Variants in SASH1 observed in about 807,000 individuals in gnomAD.
SASH1 encodes the protein SAM and SH3 domain containing 1.
SASH1 carries 44 observed loss-of-function variants against 125.2 expected under a neutral mutation model. The observed-to-expected ratio is 0.35, with a 90% CI of 0.28 to 0.45. SASH1 has a LOEUF of 0.45. Ranked by LOEUF, SASH1 falls within the 20% of genes least tolerant of loss-of-function variation. The pLI is 1.00. For synonymous variants in SASH1, 639 were observed against 649.1 expected (o/e 0.98, Z 0.24); for missense variants, 1,426 against 1,614.5 (o/e 0.88, Z 2.00).
Position 148,548,448 on chromosome 6 carries a change from C to A in SASH1, c.3634C>A (p.Leu1212Met), listed in dbSNP as rs752577248. 1.2e-6 allele frequency: 2 copies of A among 1,614,240 alleles called. No individual in the cohort carries two copies. The highest frequency in any genetic ancestry group is 2.2e-5 in the South Asian group (2 of 91,080). The change falls in exon 20 of 20, where the codon CTG (leucine) becomes ATG (methionine). Residue 1212 changes from leucine (L) to methionine (M), a missense_variant. Transcript: ENST00000367467. ...CAGCACACTGAGCCAAGTGCCTTCT[C>A]TGTCTCACACTTGCCTTCAGGAGGC... ...GFSTLSQVPS[L>M]SHTCLQEAGI... is the part of the protein sequence containing the mutation.
At chr6:148,447,564 C>G (rs1318282608) in intron 4 of SASH1, among the ~76,000 whole-genome samples, 1 of 152,166 alleles carries the variant, frequency 6.6e-6, no homozygotes. Context: ...TGCTTTGGAT[C>G]ATCTGCTGCT....
At chr6:148,399,004 C>T (rs929275305) in intron 2 of SASH1, among the ~76,000 whole-genome samples, 4 of 152,086 alleles carry the variant, frequency 2.6e-5, no homozygotes, top group Non-Finnish European at 5.9e-5. Context: ...TTGATCTTGG[C>T]ATTCTGTACC....
intron 1 of SASH1, among the ~76,000 whole-genome samples, chr6:148,356,523 G>GTTTTTT (rs1562346767): frequency 2.0e-4 from 27 of 134,950 alleles, no homozygotes; most frequent in East Asian, 1.1e-3. Context: ...TTGAGACTGG[G>GTTTTTT]TTTTGCTCTT....
chr6:148,544,143 A>G lies in SASH1; in HGVS notation c.2673A>G (p.Ala891=), dbSNP rs947393191. The G allele has an allele frequency of 6.2e-6, 10 of 1,614,088 alleles. No homozygotes were observed. Among genetic ancestry groups the G allele is most frequent in the South Asian group, 2.2e-5 (2 of 91,080 alleles). Residue 891 remains alanine (A), a synonymous_variant, in exon 18 of 20, where the codon GCA becomes GCG. Transcript: ENST00000367467. This position sits in a 1 kb window ranked among gnomAD's most constrained non-coding sequence, Gnocchi z 6.4. ...AGCAAGACTCTGCTGTCGACAATGC[A>G]TTGCTACTGACCCAAAGCAAGAGAT... ...PLEQDSAVDN[A]LLLTQSKRFS...
intron 2 of SASH1, among the ~76,000 whole-genome samples, chr6:148,401,786 G>GT (rs34419566): frequency 8.7e-5 from 9 of 104,040 alleles, no homozygotes; most frequent in South Asian, 2.7e-4. Flanking sequence ...ATGTGTGTGT[G>GT]GGGGGGTGTA....
At chr6:148,346,479 C>A in intron 1 of SASH1, among the ~76,000 whole-genome samples, 5 of 121,428 alleles carry the variant, frequency 4.1e-5, no homozygotes, top group Non-Finnish European at 4.9e-5. Flanking sequence ...TAAGAGAAAA[C>A]AAGCTTGCAA....
intron 4 of SASH1, among the ~76,000 whole-genome samples, chr6:148,449,078 C>CT: frequency 0.2 from 17,773 of 88,752 alleles, 2,987 homozygotes; most frequent in East Asian, 0.45. Context: ...CATTTCATTT[C>CT]TTTTTTTTTT....
intron 11 of SASH1, 57 bp from the exon 12 acceptor site, chr6:148,527,396 T>C (rs1781241148): frequency 6.7e-7 from 1 of 1,483,948 alleles, no homozygotes; most frequent in Non-Finnish European, 9.0e-7. Flanking sequence ...GTTTAAATAA[T>C]AAAACCTGTT....
Position 148,474,160 on chromosome 6 carries a change from C to T in SASH1, c.565C>T (p.Arg189Trp). Residue 189 changes from arginine to tryptophan, a missense_variant, in exon 7 of 20, where the codon CGG (arginine) becomes TGG (tryptophan). Coordinates refer to ENST00000367467, the MANE Select transcript of SASH1 (RefSeq NM_015278.5). ...ASEITMSDEE[R>W]IQLMMMVKEK... ...TGAAATAACGATGAGCGATGAGGAG[C>T]GGATTCAGCTAATGATGATGGTCAA... 2 of 1,611,698 alleles carry T rather than the reference C, an allele frequency of 1.2e-6. No homozygotes were observed. The highest frequency in any genetic ancestry group is 1.1e-5 in the South Asian group (1 of 90,282).
At chr6:148,277,279 C>T (rs1779213839) in intron 1 of SASH1, among the ~76,000 whole-genome samples, 1 of 152,190 alleles carries the variant, frequency 6.6e-6, no homozygotes, top group Non-Finnish European at 1.5e-5. Flanking sequence ...TAAAGTCCAG[C>T]CTGTTGGACA....
chr6:148,454,227 A>G (rs920630823), intron 4 of SASH1, among the ~76,000 whole-genome samples: 8 of 152,186 alleles, frequency 5.3e-5, no homozygotes, highest in African/African-American at 1.9e-4. Flanking sequence ...GAGGAGACCC[A>G]GCAGGAATGT....
intron 8 of SASH1, chr6:148,508,406 G>A (rs1779926653): frequency 1.1e-6 from 1 of 903,262 alleles, no homozygotes; most frequent in Non-Finnish European, 1.3e-6. Flanking sequence ...TCCTGGATTT[G>A]CTCAGATTCT....
At chr6:148,299,432 C>T (rs1380331362) in intron 1 of SASH1, among the ~76,000 whole-genome samples, 3 of 151,720 alleles carry the variant, frequency 2.0e-5, no homozygotes, top group South Asian at 2.1e-4. Flanking sequence ...TTTGGGAGGC[C>T]GAGGTGGGTG....
chr6:148,355,974 C>A (rs1365318965), intron 1 of SASH1, among the ~76,000 whole-genome samples: 1 of 151,796 alleles, frequency 6.6e-6, no homozygotes, highest in Non-Finnish European at 1.5e-5. Flanking sequence ...AAACCCATCA[C>A]TTGAGGAGTG....
rs185572855 is a variant in SASH1 at position 148,388,620 on chromosome 6, C to G, written c.157-1514C>G. 1.1e-3 allele frequency among the ~76,000 whole-genome samples: 173 copies of G among 152,350 alleles called. 2 individuals carry two copies. Among genetic ancestry groups the G allele is most frequent in the African/African-American group, 3.9e-3 (161 of 41,582 alleles). On this transcript the variant is annotated intron_variant, in intron 1 of 19. Transcript: ENST00000367467. ...CGTCATTTTTTTCCCGTCTCTGTTT[C>G]TCCTCTCCCTTGGTTCTGTAAAATC...
the SASH1 span, among the ~76,000 whole-genome samples, chr6:148,204,054 G>A: frequency 6.6e-5 from 10 of 152,284 alleles, no homozygotes; most frequent in African/African-American, 2.2e-4. Context: ...TCTCCACTGC[G>A]GCTTCCTACA....
intron 1 of SASH1, among the ~76,000 whole-genome samples, chr6:148,326,700 C>A (rs1780840293): frequency 6.6e-6 from 1 of 152,040 alleles, no homozygotes; most frequent in Middle Eastern, 3.2e-3. Context: ...CCTCGCCTGG[C>A]CGCCATATTG....
At chr6:148,524,098 TA>T (rs200303774) in intron 10 of SASH1, among the ~76,000 whole-genome samples, 18,342 of 93,932 alleles carry the variant, frequency 0.2, 1,398 homozygotes, top group Middle Eastern at 0.4. Flanking sequence ...TTCAGTTAAT[TA>T]TATATATATA....
chr6:148,228,341 C>T, the SASH1 span, among the ~76,000 whole-genome samples: 3 of 152,084 alleles, frequency 2.0e-5, no homozygotes, highest in African/African-American at 7.2e-5. Context: ...GCACCCTCAC[C>T]CTTAAATTCT....
Sources: allele counts gnomAD v4.1 joint callset (sites outside exome capture counted in the v4.1 genomes callset), GRCh38; gene constraint gnomAD v4.1.1; non-coding constraint Gnocchi (gnomAD v3.1); transcripts MANE v1.5; gene names NCBI Gene and HGNC (gene_info 2026-07-23, HGNC 2026-07-21).